The following PTPRD variants were observed in gnomAD, a reference collection of about 807,000 sequenced individuals.
PTPRD encodes the protein receptor-type tyrosine-protein phosphatase delta.
A neutral mutation model predicts 214.5 loss-of-function variants in PTPRD; 34 were observed. The ratio of observed to expected loss-of-function variants is 0.16; its 90% confidence interval spans 0.12 to 0.21. The LOEUF is 0.21. Ranked by LOEUF, PTPRD falls within the 10% of genes least tolerant of loss-of-function variation. The pLI, the probability that PTPRD is intolerant of heterozygous loss-of-function variation, is 1.00. For missense variants in PTPRD, 2,545 were observed against 2,398.7 expected (o/e 1.06, Z -1.27); for synonymous variants, 1,128 against 845.7 (o/e 1.33, Z -5.79).
intron 33 of PTPRD, among the ~76,000 whole-genome samples, chr9:8,454,939 AT>A (rs2096125638): frequency 6.6e-6 from 1 of 152,084 alleles, no homozygotes; most frequent in South Asian, 2.1e-4. Context: ...AGATAATTTG[AT>A]TTTTAAAAAA....
chr9:10,610,598 GC>G (rs1257435946), intron 2 of PTPRD, among the ~76,000 whole-genome samples: 2 of 151,918 alleles, frequency 1.3e-5, no homozygotes, highest in Non-Finnish European at 1.5e-5. Context: ...AATCTGATCA[GC>G]CAAGGGCTTC....
chr9:9,420,231 T>C (rs376917793), intron 8 of PTPRD, among the ~76,000 whole-genome samples: 2 of 151,864 alleles, frequency 1.3e-5, no homozygotes, highest in Non-Finnish European at 3.0e-5. Context: ...AAATATCAAC[T>C]AATATTCTGT....
chr9:8,688,036 T>G (rs572870199), intron 12 of PTPRD, among the ~76,000 whole-genome samples: 1 of 152,342 alleles, frequency 6.6e-6, no homozygotes, highest in East Asian at 1.9e-4. Flanking sequence ...CGCTATATAA[T>G]GACAATATGA....
chr9:9,633,168 G>T (rs1179180501), intron 7 of PTPRD, among the ~76,000 whole-genome samples: 1 of 151,930 alleles, frequency 6.6e-6, no homozygotes, highest in African/African-American at 2.4e-5. Context: ...GAGGGTGGGC[G>T]CCTGTAATTC....
chr9:9,132,424 T>A (rs1178243074), intron 10 of PTPRD, among the ~76,000 whole-genome samples: 1 of 152,204 alleles, frequency 6.6e-6, no homozygotes, highest in African/African-American at 2.4e-5. Flanking sequence ...TCAGTACCAA[T>A]AATAATTTAT....
intron 9 of PTPRD, among the ~76,000 whole-genome samples, chr9:9,195,115 C>A (rs148343844): frequency 1.5e-3 from 187 of 128,646 alleles, no homozygotes; most frequent in Middle Eastern, 4.1e-3. Context: ...TATACACACA[C>A]ACACATATAC....
chr9:8,589,030 T>C (rs998667707), intron 14 of PTPRD, among the ~76,000 whole-genome samples: 1 of 152,146 alleles, frequency 6.6e-6, no homozygotes, highest in Non-Finnish European at 1.5e-5. Flanking sequence ...TCTTACTGGG[T>C]TATTATAAAC....
In PTPRD at chr9:8,652,729, C is replaced by G. The variant is rs191430328; in HGVS notation, c.65-15885G>C. Among the ~76,000 whole-genome samples the G allele has an allele frequency of 2.4e-3, 372 of 152,246 alleles. 1 individual carries two copies. The highest frequency in any genetic ancestry group is 1.9e-3 in the Non-Finnish European group (132 of 68,026). On this transcript the variant is annotated intron_variant, in intron 12 of 45. Coordinates refer to ENST00000381196, the MANE Select transcript of PTPRD (RefSeq NM_002839.4). ...ATCCCAAGTACTTGAGTGTTAGATA[C>G]AAGATCCCAAGTGTTTTTTTAGTGT...
intron 3 of PTPRD, among the ~76,000 whole-genome samples, chr9:10,205,708 T>C (rs1212346410): frequency 6.6e-6 from 1 of 152,120 alleles, no homozygotes; most frequent in Non-Finnish European, 1.5e-5. Flanking sequence ...CCCGGCCTGC[T>C]TCATCAGCCT....
chr9:8,568,221 T>C (rs1347734752), intron 14 of PTPRD, among the ~76,000 whole-genome samples: 1 of 152,186 alleles, frequency 6.6e-6, no homozygotes, highest in African/African-American at 2.4e-5. Context: ...TTACATTTAA[T>C]ACCATTTATC....
intron 10 of PTPRD, among the ~76,000 whole-genome samples, chr9:9,019,616 G>C (rs2099555248): frequency 6.6e-6 from 1 of 152,292 alleles, no homozygotes; most frequent in Middle Eastern, 3.4e-3. Flanking sequence ...TGAGGCAGGA[G>C]AATCACTTGA....
intron 2 of PTPRD, among the ~76,000 whole-genome samples, chr9:10,568,072 C>T (rs577149691): frequency 5.9e-4 from 90 of 151,306 alleles, no homozygotes; most frequent in African/African-American, 2.0e-3. Context: ...CCCATTAACT[C>T]GTCATTTAGC....
At position 9,954,280 on chromosome 9, in the gene PTPRD, G is replaced by GAGA. The variant is rs548715298; in HGVS notation, c.-471-15673_-471-15671dup. Among the ~76,000 whole-genome samples, 492 of 108,638 alleles carry GAGA rather than the reference G, an allele frequency of 4.5e-3. 1 individual carries two copies. Among genetic ancestry groups the GAGA allele is most frequent in the African/African-American group, 0.017 (466 of 27,272 alleles). The allele number at this position is 108,638 out of a possible 152,430, so 71.3% of individuals were successfully genotyped here. ...TGCATTCCAGCCTCGGTGACAGATT[G>GAGA]AGACTCTGTCTCAAAACAAAAAAAA... On this transcript the variant is annotated intron_variant, in intron 4 of 45. Transcript: ENST00000381196.
At chr9:9,785,916 T>G (rs558094012) in intron 5 of PTPRD, among the ~76,000 whole-genome samples, 1 of 152,252 alleles carries the variant, frequency 6.6e-6, no homozygotes, top group South Asian at 2.1e-4. Flanking sequence ...TTCAAGTAGG[T>G]CATGATGAAA....
chr9:10,433,058 G>A (rs1049044863), intron 2 of PTPRD, among the ~76,000 whole-genome samples: 7 of 151,662 alleles, frequency 4.6e-5, no homozygotes, highest in East Asian at 1.9e-4. Context: ...ATGGTATTAA[G>A]TATTATTACA....
intron 5 of PTPRD, among the ~76,000 whole-genome samples, chr9:9,911,492 T>TAACAA (rs368444233): frequency 0.36 from 53,905 of 151,570 alleles, 10,118 homozygotes; most frequent in East Asian, 0.47. Flanking sequence ...TGGGGTTTGT[T>TAACAA]ACCCCAACTA....
intron 10 of PTPRD, among the ~76,000 whole-genome samples, chr9:9,123,308 G>A (rs888481411): frequency 1.3e-5 from 2 of 152,178 alleles, no homozygotes; most frequent in Admixed American, 1.3e-4. Flanking sequence ...TCTCTGAAAT[G>A]CTAGCACCAT....
chr9:10,405,118 T>A (rs2098332476), intron 2 of PTPRD, among the ~76,000 whole-genome samples: 1 of 151,612 alleles, frequency 6.6e-6, no homozygotes, highest in South Asian at 2.1e-4. Context: ...TATCGGCATA[T>A]AACTGGCAGG....
At chr9:9,762,480 T>C (rs2098667261) in intron 6 of PTPRD, among the ~76,000 whole-genome samples, 1 of 152,178 alleles carries the variant, frequency 6.6e-6, no homozygotes. Context: ...TCAATTCCTC[T>C]CTCTCCTCTG....
Sources: gnomAD v4.1 joint callset for allele counts (sites outside exome capture counted in the v4.1 genomes callset) on GRCh38, gnomAD v4.1.1 for gene constraint, MANE v1.5 for transcripts, NCBI Gene and HGNC (gene_info 2026-07-23, HGNC 2026-07-21) for gene names.